Variants in GP2 observed in about 807,000 individuals in gnomAD.
GP2 encodes glycoprotein 2, also known as pancreatic secretory granule membrane major glycoprotein GP2.
Under a neutral mutation model 60.8 loss-of-function variants are expected in GP2, and 58 were observed. That is an observed-to-expected ratio of 0.95 (90% CI 0.77 to 1.19). The LOEUF (loss-of-function observed/expected upper bound fraction) is 1.19. GP2 is among the 50% of genes most tolerant of loss of function. The probability of loss-of-function intolerance (pLI) is 0.00; values close to 1 mark genes in which losing one functional copy is unlikely to be tolerated. For missense variants in GP2, 647 were observed against 667.4 expected (o/e 0.97, Z 0.34); for synonymous variants, 280 against 253.4 (o/e 1.10, Z -1.00).
At chr16:20,326,570 G>A in intron 1 of GP2, 103 bp from the exon 2 acceptor site, 1 of 942,120 alleles carries the variant, frequency 1.1e-6, no homozygotes, top group Non-Finnish European at 1.6e-6. Context: ...TTTCAAAGTA[G>A]GTGTGACTTA....
At chr16:20,311,374 G>T (rs1165874580) in intron 10 of GP2, 93 bp from the exon 11 acceptor site, 9 of 786,538 alleles carry the variant, frequency 1.1e-5, no homozygotes, top group Non-Finnish European at 2.1e-5. Flanking sequence ...ACACAAGGAT[G>T]AGAAAGGCAA....
chr16:20,320,310 T>C lies in GP2; in HGVS notation c.810A>G (p.Val270=), dbSNP rs1177216240. The change falls in exon 5 of 11, where the codon GTA becomes GTG. Residue 270 remains valine, a synonymous_variant. Coordinates refer to ENST00000302555, the MANE Select transcript of GP2 (RefSeq NM_001502.4). ...TAGCCTGGACGGGGCTGGTCACAGA[T>C]ACCCAGTTCCTCTCCTCTGTCTGCA... is the stretch of plus-strand genomic sequence containing the variant. ...SILQTEERNW[V]SVTSPVQASA... is the part of the protein sequence containing the mutation. 6.2e-7 allele frequency: 1 copy of C among 1,614,136 alleles called. No homozygotes were observed. The highest frequency in any genetic ancestry group is 8.5e-7 in the Non-Finnish European group (1 of 1,180,004).
Position 20,317,318 on chromosome 16 carries a change from T to C in GP2, c.1311A>G (p.Glu437=), listed in dbSNP as rs1964212458. The C allele has an allele frequency of 1.2e-6, 2 of 1,613,600 alleles. No individual in the cohort carries two copies. Among genetic ancestry groups the C allele is most frequent in the East Asian group, 2.2e-5 (1 of 44,858 alleles). The change falls in exon 8 of 11, where the codon GAA becomes GAG. Residue 437 remains glutamate, a synonymous_variant. Transcript: ENST00000302555. ...IHVEENGQSS[E]SRFSVQMFMF... is the part of the protein sequence containing the mutation. ...TGAACATCTGAACTGAGAACCGGCT[T>C]TCCGAGGACTGCCCATTCTCCTCCA...
intron 9 of GP2, 94 bp downstream of exon 9, chr16:20,315,862 G>A (rs555197196): frequency 6.4e-6 from 5 of 776,996 alleles, no homozygotes; most frequent in South Asian, 4.2e-5. Context: ...GGTGGTACAA[G>A]AGCCCTGAGA....
Position 20,326,357 on chromosome 16 carries a change from C to G in GP2, c.75G>C (p.Gln25His), listed in dbSNP as rs531475464. The G allele has an allele frequency of 6.2e-7, 1 of 1,613,972 alleles. No homozygotes were observed. Among genetic ancestry groups the G allele is most frequent in the East Asian group, 2.2e-5 (1 of 44,880 alleles). ...ACTTACCTCGCTGCACTGCAGATGC[C>G]TGGGTCAGAATGCAGGAGACCAAGG... is the stretch of plus-strand genomic sequence containing the variant. ...WLALVSCILT[Q>H]ASAVQRGYGN... Residue 25 changes from glutamine (Q) to histidine (H), a missense_variant, in exon 2 of 11, where the codon CAG becomes CAC. Gln to His is a conservative substitution (Grantham distance 24). Coordinates refer to ENST00000302555, the MANE Select transcript of GP2 (RefSeq NM_001502.4).
intron 1 of GP2, chr16:20,327,236 A>G (rs1964559634): frequency 3.0e-6 from 1 of 328,088 alleles, no homozygotes; most frequent in African/African-American, 2.2e-5. Flanking sequence ...CCTGGTGGGA[A>G]TATCTGGGAC....
chr16:20,325,157 C>G (rs1478023068), intron 2 of GP2, among the ~76,000 whole-genome samples: 1 of 152,192 alleles, frequency 6.6e-6, no homozygotes, highest in East Asian at 1.9e-4. Context: ...GAGTTTAAAT[C>G]CAATTCTACA....
chr16:20,323,238 G>A, intron 3 of GP2: 1 of 651,914 alleles, frequency 1.5e-6, no homozygotes, highest in Non-Finnish European at 2.8e-6. Context: ...AATGAGAAAG[G>A]ACAGCATGGT....
intron 9 of GP2, among the ~76,000 whole-genome samples, chr16:20,315,746 A>T (rs530527618): frequency 6.6e-6 from 1 of 152,338 alleles, no homozygotes; most frequent in East Asian, 1.9e-4. Context: ...TGATGGATGC[A>T]AGAGCTTAGC....
intron 10 of GP2, among the ~76,000 whole-genome samples, chr16:20,314,393 C>G (rs992572131): frequency 6.6e-6 from 1 of 151,686 alleles, no homozygotes; most frequent in Non-Finnish European, 1.5e-5. Context: ...TGCATAAGCT[C>G]TATGAGGGTA....
intron 9 of GP2, 33 bp downstream of exon 9, chr16:20,315,923 A>C (rs1226247756): frequency 2.9e-6 from 4 of 1,360,718 alleles, no homozygotes; most frequent in Non-Finnish European, 4.2e-6. Context: ...ACACTCAGCC[A>C]GCTGGTCTTG....
Position 20,315,279 on chromosome 16 carries a change from T to C in GP2, c.1502-578A>G, listed in dbSNP as rs367885363. Among the ~76,000 whole-genome samples the C allele has an allele frequency of 6.8e-4, 104 of 152,306 alleles. 2 individuals carry two copies. In the South Asian group the frequency reaches 0.021, roughly 30 times the overall value. ...GTGCCAGGCACAAAGAAAGTATTAT[T>C]ATTACCAACATTACTGCATCTTAAT... On this transcript the variant is annotated intron_variant, in intron 9 of 10. Transcript: ENST00000302555.
At position 20,317,221 on chromosome 16, in the gene GP2, A is replaced by T; in HGVS notation, c.1408T>A (p.Cys470Ser). 21 of 1,611,178 alleles carry T rather than the reference A, an allele frequency of 1.3e-5. No individual in the cohort carries two copies. The highest frequency in any genetic ancestry group is 1.7e-5 in the Non-Finnish European group (20 of 1,178,216). The change falls in exon 8 of 11, where the codon TGC (cysteine) becomes AGC (serine). Residue 470 changes from cysteine to serine, a missense_variant. Coordinates refer to ENST00000302555, the MANE Select transcript of GP2 (RefSeq NM_001502.4). ...IHLCDSLNEQ[C>S]QPSCSRSQVR... ...TTCAAAGAGACACTCACAGGCTGGC[A>T]CTGTTCATTAAGAGAATCACAGAGA...
chr16:20,323,565 A>G lies in GP2; in HGVS notation c.535+251T>C, dbSNP rs1046792926. The G allele has an allele frequency of 1.0e-5, 6 of 590,114 alleles. No individual in the cohort carries two copies. In the Admixed American group the frequency reaches 1.2e-4, roughly 11 times the overall value. 36.6% of individuals were successfully genotyped at this position (590,114 alleles called of 1,614,324 possible). On this transcript the variant is annotated intron_variant, in intron 3 of 10. Coordinates refer to ENST00000302555, the MANE Select transcript of GP2 (RefSeq NM_001502.4). The stretch of plus-strand genomic sequence containing the variant: ...ACTTCTCAAATGGAGCCAAAATCGG[A>G]ACGAGCATGAGTTCTGGATTTTATG...
chr16:20,318,020 T>C (rs1315680124), intron 7 of GP2, among the ~76,000 whole-genome samples, 165 bp downstream of exon 7: 1 of 152,184 alleles, frequency 6.6e-6, no homozygotes, highest in Admixed American at 6.5e-5. Context: ...GCCCACCTGT[T>C]TAGTATTAAT....
In GP2 at chr16:20,324,063, T is replaced by A; in HGVS notation, c.288A>T (p.Val96=). 1 of 1,613,968 alleles carries A rather than the reference T, an allele frequency of 6.2e-7. No individual in the cohort carries two copies. Among genetic ancestry groups the A allele is most frequent in the African/African-American group, 1.3e-5 (1 of 75,044 alleles). Residue 96 remains valine (V), a synonymous_variant, in exon 3 of 11, where the codon GTA becomes GTT. Coordinates refer to ENST00000302555, the MANE Select transcript of GP2 (RefSeq NM_001502.4). ...CCGACATCCTTACTCCTCCTTCCCC[T>A]ACAAAGCGGTACCAGCCGCTCATGT... ...DKNMSGWYRF[V]GEGGVRMSET...
intron 4 of GP2, among the ~76,000 whole-genome samples, chr16:20,321,197 G>T (rs998984203): frequency 1.3e-5 from 2 of 150,870 alleles, no homozygotes; most frequent in Admixed American, 6.6e-5. Flanking sequence ...TACAGGCATG[G>T]GATTACAGGC....
chr16:20,318,565 A>G lies in GP2; in HGVS notation c.1008-135T>C, dbSNP rs1680688354. 7.9e-6 allele frequency: 6 copies of G among 758,468 alleles called. No homozygotes were observed. In the South Asian group the frequency reaches 8.7e-5, roughly 11 times the overall value. 47.0% of individuals were successfully genotyped at this position (758,468 alleles called of 1,614,324 possible). ...AGTGAACTAGTCAATCAGTCGTTTA[A>G]ACTGAGCATTTATTAGCTTCTAGGC... On this transcript the variant is annotated intron_variant, in intron 6 of 10. Coordinates refer to ENST00000302555, the MANE Select transcript of GP2 (RefSeq NM_001502.4).
chr16:20,317,109 C>T, intron 8 of GP2, 104 bp downstream of exon 8: 1 of 170,326 alleles, frequency 5.9e-6, no homozygotes, highest in South Asian at 1.7e-4. Flanking sequence ...CCCCTCCCTC[C>T]CACCCTCCCT....
Sources: gnomAD v4.1 joint callset for allele counts (sites outside exome capture counted in the v4.1 genomes callset) on GRCh38, gnomAD v4.1.1 for gene constraint, MANE v1.5 for transcripts, NCBI Gene and HGNC (gene_info 2026-07-23, HGNC 2026-07-21) for gene names.